Variants in STAU2 observed in about 807,000 individuals in gnomAD.
The protein encoded by STAU2 is double-stranded RNA-binding protein Staufen homolog 2.
STAU2 carries 20 observed loss-of-function variants against 65.9 expected under a neutral mutation model. The ratio of observed to expected loss-of-function variants is 0.30; its 90% CI spans 0.21 to 0.44. The LOEUF is 0.44. STAU2 is among the 20% of genes least tolerant of loss of function. STAU2 has a pLI of 1.00. For synonymous variants in STAU2, 232 were observed against 233.9 expected (o/e 0.99, Z 0.07); for missense variants, 558 against 683.9 (o/e 0.82, Z 2.05).
intron 13 of STAU2, among the ~76,000 whole-genome samples, chr8:73,439,514 A>G (rs1251247550): frequency 6.6e-6 from 1 of 152,164 alleles, no homozygotes; most frequent in African/African-American, 2.4e-5. Context: ...GCTACTCAAG[A>G]GCCTGAGGCA....
rs191751875 is a variant in STAU2 at position 73,683,642 on chromosome 8, C to A, written c.274+5012G>T. Among the ~76,000 whole-genome samples, 25 of 152,146 alleles carry A rather than the reference C, an allele frequency of 1.6e-4. No homozygotes were observed. In the East Asian group the frequency reaches 4.6e-3, roughly 28 times the overall value. Reference sequence around the variant, plus strand: ...GACAAGAGAAAGAAATAAAGGGCATCCAAATCGATAAAGAGGAAGTCAAAC... The same window carrying A: ...GACAAGAGAAAGAAATAAAGGGCATACAAATCGATAAAGAGGAAGTCAAAC... On this transcript the variant is annotated intron_variant, in intron 5 of 14. Coordinates refer to ENST00000524300, the MANE Select transcript of STAU2 (RefSeq NM_001164380.2).
At chr8:73,728,548 C>T (rs1399098305) in intron 3 of STAU2, among the ~76,000 whole-genome samples, 9 of 150,926 alleles carry the variant, frequency 6.0e-5, no homozygotes, top group East Asian at 5.9e-4. Context: ...GCCATCCTAA[C>T]GGCAATGTAA....
At chr8:73,561,872 T>G (rs1301733788) in intron 12 of STAU2, among the ~76,000 whole-genome samples, 4 of 152,200 alleles carry the variant, frequency 2.6e-5, no homozygotes, top group Non-Finnish European at 5.9e-5. Context: ...ACTATGAATA[T>G]TCCCATTTTA....
At chr8:73,508,829 G>T (rs1822213906) in intron 13 of STAU2, among the ~76,000 whole-genome samples, 1 of 152,176 alleles carries the variant, frequency 6.6e-6, no homozygotes, top group African/African-American at 2.4e-5. Flanking sequence ...TCAAAATAGT[G>T]CAGTAGTTCC....
intron 3 of STAU2, among the ~76,000 whole-genome samples, chr8:73,724,313 G>T (rs1805469405): frequency 6.6e-6 from 1 of 152,100 alleles, no homozygotes; most frequent in Non-Finnish European, 1.5e-5. Flanking sequence ...TGGACCAGAG[G>T]CAAAAGTCCC....
At chr8:73,665,696 C>A (rs1817183514) in intron 6 of STAU2, among the ~76,000 whole-genome samples, 1 of 152,110 alleles carries the variant, frequency 6.6e-6, no homozygotes, top group Non-Finnish European at 1.5e-5. Flanking sequence ...TGTAACTGTT[C>A]ATATCACTGC....
chr8:73,512,999 T>C (rs913988894), intron 13 of STAU2, among the ~76,000 whole-genome samples: 6 of 152,234 alleles, frequency 3.9e-5, no homozygotes, highest in African/African-American at 1.4e-4. Context: ...GTCTGCATAG[T>C]ACATCTGAGC....
intron 8 of STAU2, among the ~76,000 whole-genome samples, chr8:73,615,396 C>T (rs780155281): frequency 1.3e-5 from 2 of 151,926 alleles, no homozygotes; most frequent in Admixed American, 6.6e-5. Context: ...TTATAGGATA[C>T]CACAAATTAT....
At chr8:73,558,435 G>A (rs1054081334) in intron 12 of STAU2, among the ~76,000 whole-genome samples, 1 of 152,122 alleles carries the variant, frequency 6.6e-6, no homozygotes, top group Non-Finnish European at 1.5e-5. Flanking sequence ...CTTTCAGATG[G>A]GTATATGAAT....
At chr8:73,597,000 G>A (rs971203707) in intron 10 of STAU2, among the ~76,000 whole-genome samples, 2 of 151,940 alleles carry the variant, frequency 1.3e-5, no homozygotes, top group African/African-American at 4.8e-5. Flanking sequence ...CAAAAGGAGG[G>A]TCTAGAAGAA....
chr8:73,471,573 C>T (rs1347139002), intron 13 of STAU2, among the ~76,000 whole-genome samples: 1 of 147,926 alleles, frequency 6.8e-6, no homozygotes, highest in African/African-American at 2.5e-5. Flanking sequence ...AATCCCAACA[C>T]TTTGGGAGGC....
intron 13 of STAU2, among the ~76,000 whole-genome samples, chr8:73,529,047 C>A (rs1179118385): frequency 6.6e-6 from 1 of 151,996 alleles, no homozygotes; most frequent in African/African-American, 2.4e-5. Context: ...TAGTTTAGAG[C>A]TCAAATCAAG....
chr8:73,448,822 T>C (rs532887664), intron 13 of STAU2, among the ~76,000 whole-genome samples: 1 of 152,240 alleles, frequency 6.6e-6, no homozygotes, highest in Non-Finnish European at 1.5e-5. Context: ...TTTCGGGACG[T>C]CGCGTGCCTG....
chr8:73,424,201 CTTT>C (rs59063960), intron 13 of STAU2, among the ~76,000 whole-genome samples: 6 of 115,282 alleles, frequency 5.2e-5, no homozygotes, highest in Non-Finnish European at 8.5e-5. Flanking sequence ...TCCTCTATGT[CTTT>C]TTTTTTTTTT....
At chr8:73,632,559 G>A (rs56937820) in intron 6 of STAU2, among the ~76,000 whole-genome samples, 12,617 of 151,438 alleles carry the variant, frequency 0.083, 597 homozygotes, top group Middle Eastern at 0.15. Context: ...ATTTGCAGAG[G>A]ATGACACTTC....
chr8:73,619,123 G>A (rs1813046464), intron 6 of STAU2, among the ~76,000 whole-genome samples: 1 of 152,082 alleles, frequency 6.6e-6, no homozygotes, highest in Admixed American at 6.6e-5. Flanking sequence ...GTATATAGGT[G>A]GTATTTAAAG....
intron 13 of STAU2, among the ~76,000 whole-genome samples, chr8:73,531,590 T>C (rs1349015384): frequency 2.0e-5 from 3 of 152,218 alleles, no homozygotes; most frequent in African/African-American, 4.8e-5. Flanking sequence ...TCTTCAGGTA[T>C]ATATTTTCTT....
chr8:73,473,646 GGAGA>G (rs149438999), intron 13 of STAU2, among the ~76,000 whole-genome samples: 3,143 of 152,274 alleles, frequency 0.021, 101 homozygotes, highest in African/African-American at 0.073. Context: ...TGGCCTGGAA[GGAGA>G]GAGAAACGGC....
At chr8:73,660,871 C>A (rs1212798861) in intron 6 of STAU2, among the ~76,000 whole-genome samples, 1 of 152,056 alleles carries the variant, frequency 6.6e-6, no homozygotes. Context: ...AAAGCATACA[C>A]CCAGAAATAA....
Sources: allele counts gnomAD v4.1 joint callset (sites outside exome capture counted in the v4.1 genomes callset), GRCh38; gene constraint gnomAD v4.1.1; transcripts MANE v1.5; gene names NCBI Gene and HGNC (gene_info 2026-07-23, HGNC 2026-07-21).